Variants in RGSL1 observed in about 807,000 individuals in gnomAD.
RGSL1 encodes regulator of G protein signaling protein-like.
In RGSL1, 97 loss-of-function variants were observed where a neutral mutation model predicts 124.7. The ratio of observed to expected loss-of-function variants is 0.78; its 90% CI spans 0.66 to 0.92. The LOEUF is 0.92. Ranked by LOEUF, RGSL1 falls within the 40% of genes least tolerant of loss-of-function variation. The probability of loss-of-function intolerance (pLI) is 0.00; values close to 1 mark genes in which losing one functional copy is unlikely to be tolerated. For missense variants in RGSL1, 1,233 were observed against 1,288.4 expected (o/e 0.96, Z 0.66); for synonymous variants, 424 against 438.1 (o/e 0.97, Z 0.40).
rs1480248706 is a variant in RGSL1 at position 182,493,105 on chromosome 1, T to G, written c.1801T>G (p.Tyr601Asp). The part of the protein sequence containing the change: ...IQKISDDYKI[Y>D]CEKAPKIDFK... ...GAAGATCAGTGATGACTACAAAATA[T>G]ACTGTGAGAAAGCACCTAAAATAGG... Residue 601 changes from tyrosine to aspartate, a missense_variant, in exon 9 of 22, where the codon TAC becomes GAC. Physicochemically the swap from Tyr to Asp is radical, Grantham distance 160. Transcript: ENST00000294854. The G allele has an allele frequency of 5.2e-6, 8 of 1,551,148 alleles. No homozygotes were observed. The highest frequency in any genetic ancestry group is 3.5e-6 in the Non-Finnish European group (4 of 1,146,602).
intron 12 of RGSL1, 108 bp downstream of exon 12, chr1:182,530,469 A>C (rs1396877902): frequency 1.1e-6 from 1 of 870,602 alleles, no homozygotes; most frequent in Non-Finnish European, 1.8e-6. Flanking sequence ...TCATTGCCAG[A>C]GCCTCTCTAC....
chr1:182,461,752 G>A (rs1383668750), intron 4 of RGSL1, among the ~76,000 whole-genome samples: 1 of 152,050 alleles, frequency 6.6e-6, no homozygotes, highest in Non-Finnish European at 1.5e-5. Context: ...ATTAGAGCAG[G>A]CAAAAGAAAG....
At chr1:182,554,560 G>A in intron 19 of RGSL1, 67 bp from the exon 20 acceptor site, 3 of 1,397,910 alleles carry the variant, frequency 2.1e-6, no homozygotes, top group Non-Finnish European at 3.0e-6. Context: ...CTCCAGGGTG[G>A]AGGCCTTTCA....
chr1:182,544,781 C>T (rs906947701), intron 15 of RGSL1, among the ~76,000 whole-genome samples: 8 of 151,928 alleles, frequency 5.3e-5, no homozygotes, highest in African/African-American at 1.9e-4. Flanking sequence ...AACTTGTAGC[C>T]TATTTTATCT....
At chr1:182,557,267 G>T (rs1248456682) in intron 21 of RGSL1, among the ~76,000 whole-genome samples, 1 of 152,208 alleles carries the variant, frequency 6.6e-6, no homozygotes, top group Non-Finnish European at 1.5e-5. Context: ...TTTAGAACAG[G>T]ACTGCAATTA....
At position 182,481,742 on chromosome 1, in the gene RGSL1, C is replaced by T. The variant is rs183374702; in HGVS notation, c.1432-6543C>T. ...TCATGCCTGTAACCCCAGCACTTTGCGAGGCTGAAGTGGGATTGCTTGAGC... is the reference window on the plus strand; with the variant it reads ...TCATGCCTGTAACCCCAGCACTTTGTGAGGCTGAAGTGGGATTGCTTGAGC... On this transcript the variant is annotated intron_variant, in intron 6 of 21. Transcript: ENST00000294854. 8.1e-4 allele frequency among the ~76,000 whole-genome samples: 101 copies of T among 125,462 alleles called. 1 individual carries two copies. The East Asian group carries it at 0.021, about 26-fold the overall frequency. 82.3% of individuals were successfully genotyped at this position (125,462 alleles called of 152,430 possible).
At chr1:182,493,260 G>A in intron 9 of RGSL1, 131 bp downstream of exon 9, 1 of 638,354 alleles carries the variant, frequency 1.6e-6, no homozygotes, top group Middle Eastern at 2.7e-4. Flanking sequence ...ATGGAGAGGT[G>A]GTTAGGGGGT....
intron 9 of RGSL1, among the ~76,000 whole-genome samples, chr1:182,509,566 C>T (rs1284675878): frequency 9.1e-5 from 11 of 121,460 alleles, no homozygotes; most frequent in Admixed American, 4.5e-4. Context: ...CCCTCCCGGA[C>T]GGGGTGGCTG....
At chr1:182,502,126 C>T (rs1234392644) in intron 9 of RGSL1, among the ~76,000 whole-genome samples, 1 of 151,724 alleles carries the variant, frequency 6.6e-6, no homozygotes, top group Non-Finnish European at 1.5e-5. Flanking sequence ...CTTTTTTTCT[C>T]GATAAGTCTA....
At chr1:182,493,782 C>G (rs1433949306) in intron 9 of RGSL1, among the ~76,000 whole-genome samples, 1 of 152,174 alleles carries the variant, frequency 6.6e-6, no homozygotes, top group Non-Finnish European at 1.5e-5. Flanking sequence ...CATCAGCAGC[C>G]AACACTCAGG....
intron 6 of RGSL1, 94 bp downstream of exon 6, chr1:182,474,636 T>C: frequency 7.1e-7 from 1 of 1,411,414 alleles, no homozygotes; most frequent in Non-Finnish European, 9.3e-7. Context: ...GCTAAGTGAC[T>C]ATATAATTAC....
chr1:182,505,760 TTA>T (rs1656764519), intron 9 of RGSL1, among the ~76,000 whole-genome samples: 1 of 152,218 alleles, frequency 6.6e-6, no homozygotes, highest in Non-Finnish European at 1.5e-5. Flanking sequence ...TCTGATGCAC[TTA>T]TGTTTTCTGA....
chr1:182,518,968 A>G (rs1200619867), intron 9 of RGSL1, among the ~76,000 whole-genome samples: 1 of 148,488 alleles, frequency 6.7e-6, no homozygotes, highest in East Asian at 1.9e-4. Flanking sequence ...CTTCTGTTCT[A>G]TATTTCTTTT....
chr1:182,492,820 AG>A, intron 8 of RGSL1: 1 of 518,654 alleles, frequency 1.9e-6, no homozygotes, highest in Non-Finnish European at 3.5e-6. Flanking sequence ...TAGTAGAGAC[AG>A]GGTTTCACCA....
intron 2 of RGSL1, 88 bp downstream of exon 2, chr1:182,454,128 G>A (rs148855740): frequency 3.8e-6 from 3 of 781,748 alleles, no homozygotes; most frequent in East Asian, 2.7e-5. Flanking sequence ...TTGTTTGTTT[G>A]TTGTTATTTG....
intron 10 of RGSL1, among the ~76,000 whole-genome samples, chr1:182,525,922 C>T (rs757664016): frequency 1.3e-5 from 2 of 151,916 alleles, no homozygotes; most frequent in Non-Finnish European, 2.9e-5. Flanking sequence ...TAATCACTGC[C>T]CTGCAAAAAT....
intron 21 of RGSL1, among the ~76,000 whole-genome samples, chr1:182,557,665 C>T (rs1379525511): frequency 1.3e-5 from 2 of 152,150 alleles, no homozygotes; most frequent in Non-Finnish European, 2.9e-5. Context: ...TCTTTCTCTC[C>T]ACATTCACCA....
chr1:182,500,960 T>C (rs773633347), intron 9 of RGSL1, among the ~76,000 whole-genome samples: 3 of 152,240 alleles, frequency 2.0e-5, no homozygotes, highest in Non-Finnish European at 4.4e-5. Flanking sequence ...TGCTTGTTCC[T>C]TCCCAATGTG....
intron 6 of RGSL1, among the ~76,000 whole-genome samples, chr1:182,476,312 T>C (rs1056237568): frequency 1.3e-5 from 2 of 152,178 alleles, no homozygotes; most frequent in Non-Finnish European, 2.9e-5. Context: ...TTGGTGCAAA[T>C]ATACTGAAGA....
Sources: allele counts gnomAD v4.1 joint callset (sites outside exome capture counted in the v4.1 genomes callset), GRCh38; gene constraint gnomAD v4.1.1; transcripts MANE v1.5; gene names NCBI Gene and HGNC (gene_info 2026-07-23, HGNC 2026-07-21).